The following PHACTR4 variants were observed in gnomAD, a reference collection of about 807,000 sequenced individuals.
The protein encoded by PHACTR4 is phosphatase and actin regulator 4.
A neutral mutation model predicts 72.7 loss-of-function variants in PHACTR4; 51 were observed. The ratio of observed to expected loss-of-function variants is 0.70; its 90% CI spans 0.56 to 0.89. The LOEUF is 0.89. Ranked by LOEUF, PHACTR4 falls within the 40% of genes least tolerant of loss-of-function variation. The pLI is 0.00. For missense variants in PHACTR4, 731 were observed against 861.8 expected (o/e 0.85, Z 1.90); for synonymous variants, 255 against 302.5 (o/e 0.84, Z 1.63).
chr1:28,471,317 C>T (rs1313555196), intron 6 of PHACTR4, among the ~76,000 whole-genome samples: 1 of 149,666 alleles, frequency 6.7e-6, no homozygotes, highest in Non-Finnish European at 1.5e-5. Flanking sequence ...CCATTGCACT[C>T]CAGCCTGGGC....
intron 7 of PHACTR4, among the ~76,000 whole-genome samples, chr1:28,475,563 TG>T (rs1659865208): frequency 6.6e-6 from 1 of 152,154 alleles, no homozygotes; most frequent in African/African-American, 2.4e-5. Flanking sequence ...AGACAAATTC[TG>T]GAAAGCACCA....
chr1:28,406,019 C>T (rs1385473213), intron 1 of PHACTR4, among the ~76,000 whole-genome samples: 2 of 152,172 alleles, frequency 1.3e-5, no homozygotes, highest in Admixed American at 1.3e-4. Context: ...CCAACCATAA[C>T]TTCTATAGCA....
intron 2 of PHACTR4, among the ~76,000 whole-genome samples, chr1:28,444,479 C>G (rs1388680353): frequency 6.6e-6 from 1 of 151,780 alleles, no homozygotes; most frequent in Non-Finnish European, 1.5e-5. Flanking sequence ...CCGCCCACTT[C>G]AGCCTCCCAA....
intron 1 of PHACTR4, among the ~76,000 whole-genome samples, chr1:28,386,304 G>A (rs1224301634): frequency 6.6e-6 from 1 of 151,990 alleles, no homozygotes; most frequent in East Asian, 1.9e-4. Context: ...ATGTTGGCCA[G>A]GCTGGTCTTG....
chr1:28,391,213 C>G (rs1386385853), intron 1 of PHACTR4, among the ~76,000 whole-genome samples: 1 of 149,956 alleles, frequency 6.7e-6, no homozygotes, highest in Non-Finnish European at 1.5e-5. Context: ...TCCTGGCTAA[C>G]ATGGTGAAAC....
intron 2 of PHACTR4, chr1:28,457,774 G>A (rs1232997122): frequency 2.2e-6 from 2 of 918,254 alleles, no homozygotes; most frequent in African/African-American, 1.8e-5. Context: ...CAAAGTAGAG[G>A]TTCCACTTTA....
At chr1:28,376,333 A>G (rs1471270576) in intron 1 of PHACTR4, among the ~76,000 whole-genome samples, 1 of 149,832 alleles carries the variant, frequency 6.7e-6, no homozygotes, top group Non-Finnish European at 1.5e-5. Context: ...AAAAATTGAG[A>G]CAGAGTCTTA....
intron 9 of PHACTR4, among the ~76,000 whole-genome samples, chr1:28,484,027 C>G (rs1412363557): frequency 1.3e-5 from 2 of 151,476 alleles, no homozygotes; most frequent in African/African-American, 4.9e-5. Flanking sequence ...TCTATCACTA[C>G]AAAAATAAAA....
chr1:28,379,253 C>T (rs1347103311), intron 1 of PHACTR4, among the ~76,000 whole-genome samples: 1 of 149,844 alleles, frequency 6.7e-6, no homozygotes, highest in Admixed American at 6.7e-5. Flanking sequence ...CCATGGCCAG[C>T]CTATAATTTC....
intron 2 of PHACTR4, among the ~76,000 whole-genome samples, chr1:28,417,038 T>C (rs1475294812): frequency 6.7e-6 from 1 of 148,840 alleles, no homozygotes; most frequent in African/African-American, 2.5e-5. Flanking sequence ...CTTTCTTGCT[T>C]TTTTTTTTCT....
At chr1:28,479,191 C>G (rs1230162690) in intron 8 of PHACTR4, among the ~76,000 whole-genome samples, 2 of 151,726 alleles carry the variant, frequency 1.3e-5, no homozygotes, top group African/African-American at 4.8e-5. Flanking sequence ...GAGGCCGAGG[C>G]AGGCGGATCA....
At chr1:28,484,916 A>G (rs1342219574) in intron 9 of PHACTR4, among the ~76,000 whole-genome samples, 1 of 152,090 alleles carries the variant, frequency 6.6e-6, no homozygotes, top group Non-Finnish European at 1.5e-5. Context: ...CAGTGAGCTG[A>G]GTTCACACCA....
chr1:28,457,387 G>C (rs1208750477), intron 2 of PHACTR4: 1 of 407,486 alleles, frequency 2.5e-6, no homozygotes, highest in Non-Finnish European at 4.9e-6. Context: ...CTTGAGACCA[G>C]GCATTTGAGA....
Position 28,466,304 on chromosome 1 carries a change from A to T in PHACTR4, c.437-78A>T. On this transcript the variant is annotated intron_variant, in intron 5 of 13. Coordinates refer to ENST00000373839, the MANE Select transcript of PHACTR4 (RefSeq NM_001048183.3). ...AATTAATTGGTGAAATTGGCCACAA[A>T]TTCATAGATGTGTTAGCTTTTTCAG... 3 of 1,473,330 alleles carry T rather than the reference A, an allele frequency of 2.0e-6. No individual in the cohort carries two copies. In the East Asian group the frequency reaches 6.9e-5, roughly 34 times the overall value. The allele number at this position is 1,473,330 out of a possible 1,614,324, so 91.3% of individuals were successfully genotyped here. A position where few individuals can be genotyped will look rare whatever the true frequency, so the allele number is the denominator to read the frequency against.
intron 2 of PHACTR4, among the ~76,000 whole-genome samples, chr1:28,429,079 GT>G (rs1483908554): frequency 6.6e-6 from 1 of 152,176 alleles, no homozygotes; most frequent in Non-Finnish European, 1.5e-5. Context: ...CAGTTTGTTT[GT>G]TTTTCACATC....
intron 2 of PHACTR4, among the ~76,000 whole-genome samples, chr1:28,412,743 C>T (rs1424270237): frequency 6.6e-6 from 1 of 152,050 alleles, no homozygotes; most frequent in Non-Finnish European, 1.5e-5. Flanking sequence ...CTCAGGGATC[C>T]CCAGAGATCA....
At chr1:28,481,963 T>C (rs1473520951) in intron 9 of PHACTR4, among the ~76,000 whole-genome samples, 1 of 152,026 alleles carries the variant, frequency 6.6e-6, no homozygotes, top group Non-Finnish European at 1.5e-5. Flanking sequence ...AATGGTGCAA[T>C]CTCGGCTTAC....
chr1:28,404,588 A>G (rs1411879591), intron 1 of PHACTR4, among the ~76,000 whole-genome samples: 2 of 152,064 alleles, frequency 1.3e-5, no homozygotes, highest in East Asian at 1.9e-4. Context: ...TGGCCTTGAC[A>G]TATGTTTTTA....
chr1:28,489,307 C>T (rs946999649), intron 10 of PHACTR4, 82 bp downstream of exon 10: 48 of 1,215,836 alleles, frequency 3.9e-5, no homozygotes, highest in South Asian at 3.9e-4. Flanking sequence ...AAAAAAGAAG[C>T]GTTTGCTACA....
Sources: gnomAD v4.1 joint callset for allele counts (sites outside exome capture counted in the v4.1 genomes callset) on GRCh38, gnomAD v4.1.1 for gene constraint, MANE v1.5 for transcripts, NCBI Gene and HGNC (gene_info 2026-07-23, HGNC 2026-07-21) for gene names.